Variants in PSMA1 observed in about 807,000 individuals in gnomAD.
The protein encoded by PSMA1 is proteasome subunit alpha type-1.
PSMA1 carries 3 observed loss-of-function variants against 38.4 expected under a neutral mutation model. The ratio of observed to expected loss-of-function variants is 0.08; its 90% CI spans 0.04 to 0.20. The LOEUF is 0.20. Ranked by LOEUF, PSMA1 falls within the 10% of genes least tolerant of loss-of-function variation. The pLI is 1.00. For synonymous variants in PSMA1, 101 were observed against 107.1 expected (o/e 0.94, Z 0.35); for missense variants, 227 against 325.3 (o/e 0.70, Z 2.32).
intron 2 of PSMA1, among the ~76,000 whole-genome samples, chr11:14,599,708 C>T (rs1424984394): frequency 6.6e-6 from 1 of 152,046 alleles, no homozygotes; most frequent in Non-Finnish European, 1.5e-5. Context: ...TCGGAGAAGT[C>T]TGTTATTACC....
chr11:14,525,312 C>G (rs929418678), upstream of PSMA1, among the ~76,000 whole-genome samples: 2 of 152,120 alleles, frequency 1.3e-5, no homozygotes, highest in African/African-American at 2.4e-5. Flanking sequence ...TTCAAAGCCT[C>G]CTTCACATCC....
intron 1 of PSMA1, among the ~76,000 whole-genome samples, chr11:14,615,006 C>T (rs1852754431): frequency 6.6e-6 from 1 of 152,174 alleles, no homozygotes; most frequent in Admixed American, 6.5e-5. Flanking sequence ...TAATCTGATC[C>T]TAACTTTTCT....
At chr11:14,578,704 A>T (rs1486823625) in intron 2 of PSMA1, among the ~76,000 whole-genome samples, 2 of 152,344 alleles carry the variant, frequency 1.3e-5, no homozygotes, top group African/African-American at 4.8e-5. Flanking sequence ...GGAAGTAGAG[A>T]AGGTTGCAGG....
chr11:14,641,708 T>C (rs564758977), intron 1 of PSMA1, among the ~76,000 whole-genome samples: 14 of 152,348 alleles, frequency 9.2e-5, no homozygotes, highest in South Asian at 2.1e-4. Flanking sequence ...AACAGTCATT[T>C]GACACAATCC....
At chr11:14,608,614 TTA>T (rs1432037120) in intron 2 of PSMA1, among the ~76,000 whole-genome samples, 5 of 147,818 alleles carry the variant, frequency 3.4e-5, no homozygotes, top group East Asian at 2.0e-4. Context: ...TAAAATATGA[TTA>T]TATATGTTAA....
chr11:14,512,619 A>G (rs912593350), intron 7 of PSMA1, among the ~76,000 whole-genome samples: 2 of 152,300 alleles, frequency 1.3e-5, no homozygotes, highest in African/African-American at 2.4e-5. Flanking sequence ...CATCACATAC[A>G]TATTGCTGCA....
intron 1 of PSMA1, among the ~76,000 whole-genome samples, chr11:14,633,672 C>T (rs529749218): frequency 5.2e-4 from 79 of 152,326 alleles, no homozygotes; most frequent in African/African-American, 1.9e-3. Context: ...CCACCCAGTT[C>T]GAGCTTCCTG....
intron 2 of PSMA1, among the ~76,000 whole-genome samples, chr11:14,598,456 A>G (rs1158236296): frequency 6.6e-6 from 1 of 152,084 alleles, no homozygotes; most frequent in Non-Finnish European, 1.5e-5. Flanking sequence ...TATATTTAGG[A>G]CAGTTAGCTC....
intron 2 of PSMA1, among the ~76,000 whole-genome samples, chr11:14,571,485 G>A (rs1344999240): frequency 6.6e-6 from 1 of 151,990 alleles, no homozygotes; most frequent in Non-Finnish European, 1.5e-5. Flanking sequence ...TCGTCACCAG[G>A]CCTGCCTTAT....
chr11:14,540,012 C>T (rs776128765), intron 2 of PSMA1, among the ~76,000 whole-genome samples: 1 of 152,194 alleles, frequency 6.6e-6, no homozygotes, highest in Non-Finnish European at 1.5e-5. Flanking sequence ...TGTAGTGCTG[C>T]GTGACTACTC....
intron 1 of PSMA1, among the ~76,000 whole-genome samples, chr11:14,625,890 C>T (rs1329915138): frequency 6.6e-6 from 1 of 152,176 alleles, no homozygotes; most frequent in Non-Finnish European, 1.5e-5. Context: ...CAAACTAACA[C>T]AGTGCCACCA....
At chr11:14,505,834 A>G (rs1369645326) in intron 9 of PSMA1, among the ~76,000 whole-genome samples, 2 of 152,046 alleles carry the variant, frequency 1.3e-5, no homozygotes, top group African/African-American at 4.8e-5. Flanking sequence ...GTGAGATCCC[A>G]TCTCTACTAA....
upstream of PSMA1, chr11:14,520,734 T>C (rs984047536): frequency 8.4e-5 from 17 of 201,346 alleles, no homozygotes; most frequent in Non-Finnish European, 1.7e-4. Flanking sequence ...GGGTGTTATG[T>C]GACTGAAAGG....
chr11:14,527,173 G>A (rs1160142107), intron 2 of PSMA1, among the ~76,000 whole-genome samples: 1 of 152,108 alleles, frequency 6.6e-6, no homozygotes, highest in Non-Finnish European at 1.5e-5. Context: ...CCACCAAAAG[G>A]CATCAGATTC....
At chr11:14,513,238 T>C (rs949575710) in intron 7 of PSMA1, among the ~76,000 whole-genome samples, 8 of 152,240 alleles carry the variant, frequency 5.3e-5, no homozygotes, top group South Asian at 2.1e-4. Flanking sequence ...AAACTAAAAG[T>C]GAACAGAGCT....
At chr11:14,522,499 G>A (rs1351160270), upstream of PSMA1, among the ~76,000 whole-genome samples, 2 of 152,026 alleles carry the variant, frequency 1.3e-5, no homozygotes, top group African/African-American at 4.8e-5. Flanking sequence ...CTGAGAGTCA[G>A]TTTTCTCTGT....
intron 2 of PSMA1, among the ~76,000 whole-genome samples, chr11:14,544,882 T>G (rs1430893756): frequency 6.6e-6 from 1 of 152,196 alleles, no homozygotes; most frequent in Non-Finnish European, 1.5e-5. Context: ...TGTACATGAA[T>G]GTTCATAGCA....
At chr11:14,529,547 A>C (rs1851623225) in intron 2 of PSMA1, among the ~76,000 whole-genome samples, 1 of 152,134 alleles carries the variant, frequency 6.6e-6, no homozygotes, top group African/African-American at 2.4e-5. Context: ...CCTTCTTTCA[A>C]GTTCAAACAG....
intron 1 of PSMA1, chr11:14,519,271 T>TA: frequency 5.1e-6 from 3 of 584,260 alleles, no homozygotes; most frequent in Non-Finnish European, 9.7e-6. Flanking sequence ...TCCAAACTCT[T>TA]ATTCTAACAC....
Sources: allele counts gnomAD v4.1 joint callset (sites outside exome capture counted in the v4.1 genomes callset), GRCh38; gene constraint gnomAD v4.1.1; transcripts MANE v1.5; gene names NCBI Gene and HGNC (gene_info 2026-07-23, HGNC 2026-07-21).